Variants in LRRC47 observed in about 807,000 individuals in gnomAD.
LRRC47 encodes the protein leucine rich repeat containing 47.
In LRRC47, 31 loss-of-function variants were observed where a neutral mutation model predicts 40.9. The ratio of observed to expected loss-of-function variants is 0.76; its 90% confidence interval spans 0.57 to 1.02. The LOEUF is 1.02. Ranked by LOEUF, LRRC47 falls within the 50% of genes least tolerant of loss-of-function variation. LRRC47 has a pLI of 0.00. For synonymous variants in LRRC47, 427 were observed against 371.9 expected, an observed-to-expected ratio of 1.15 and a Z score of -1.70; for missense variants, 726 against 796.1, an observed-to-expected ratio of 0.91 and a Z score of 1.06.
At chr1:3,789,494 G>A (rs542141298) in intron 1 of LRRC47, among the ~76,000 whole-genome samples, 20 of 152,398 alleles carry the variant, frequency 1.3e-4, no homozygotes, top group African/African-American at 4.6e-4. Flanking sequence ...CAGCAGAGGC[G>A]AAGGAGGCGG....
chr1:3,784,278 T>G (rs1249858264), intron 3 of LRRC47, 167 bp from the exon 4 acceptor site: 12 of 619,712 alleles, frequency 1.9e-5, no homozygotes, highest in Admixed American at 5.4e-5. Flanking sequence ...AAGCTGCATG[T>G]GGGCTGCCAC....
At chr1:3,783,247 C>G (rs1247061769) in intron 4 of LRRC47, 1 of 154,556 alleles carries the variant, frequency 6.5e-6, no homozygotes, top group African/African-American at 2.4e-5. Context: ...TGGCGAAACC[C>G]CGTCTCTACT....
chr1:3,784,360 G>A (rs1369868372), intron 3 of LRRC47, among the ~76,000 whole-genome samples: 3 of 152,252 alleles, frequency 2.0e-5, no homozygotes, highest in Non-Finnish European at 4.4e-5. Context: ...CTTAAAGCCA[G>A]CTCATGCACA....
intron 1 of LRRC47, among the ~76,000 whole-genome samples, chr1:3,793,326 C>G (rs1282797931): frequency 2.0e-5 from 3 of 152,168 alleles, no homozygotes; most frequent in Non-Finnish European, 4.4e-5. Context: ...CTCCCGACCT[C>G]AGGTGATCCG....
rs192113027 is a variant in LRRC47, at chr1:3,785,010, C to T, written c.1194+77G>A. On this transcript the variant is annotated intron_variant, in intron 3 of 6. Transcript: ENST00000378251. ...TCCATCTCCAAAAAAAAAAAAAGTT[C>T]GGGCTGCAGTAGCAGCATGGCGTCT... 48 of 1,131,522 alleles carry T rather than the reference C, an allele frequency of 4.2e-5. No homozygotes were observed. In the East Asian group the frequency reaches 4.3e-4, roughly 10 times the overall value. The allele number at this position is 1,131,522 out of a possible 1,614,324, so 70.1% of individuals were successfully genotyped here.
chr1:3,787,430 G>A (rs948197948), intron 1 of LRRC47, 120 bp from the exon 2 acceptor site: 2 of 974,386 alleles, frequency 2.1e-6, no homozygotes, highest in East Asian at 5.2e-5. Context: ...CCTGTCTGTG[G>A]GGACGCGTCC....
intron 1 of LRRC47, among the ~76,000 whole-genome samples, chr1:3,793,672 A>G (rs1643647306): frequency 6.6e-6 from 1 of 152,106 alleles, no homozygotes; most frequent in African/African-American, 2.4e-5. Context: ...CGGCCTTCTG[A>G]GCTGTGTCTT....
At position 3,782,531 on chromosome 1, in the gene LRRC47, T is replaced by G. The variant is rs1643530439; in HGVS notation, c.1413+130A>C. Reference sequence around the variant, plus strand: ...CTGGTCTTGAACTCCTGACCTCAGGTGATCCGCCCACCTCGGTCTCCCAAA... The same window carrying G: ...CTGGTCTTGAACTCCTGACCTCAGGGGATCCGCCCACCTCGGTCTCCCAAA... On this transcript the variant is annotated intron_variant, in intron 5 of 6. Transcript: ENST00000378251. 15 of 656,770 alleles carry G rather than the reference T, an allele frequency of 2.3e-5. No individual in the cohort carries two copies. In the South Asian group the frequency reaches 2.6e-4, roughly 11 times the overall value. 40.7% of individuals were successfully genotyped at this position (656,770 alleles called of 1,614,324 possible). A position where few individuals can be genotyped will look rare whatever the true frequency, so the allele number is the denominator to read the frequency against.
chr1:3,796,027 G>T lies in LRRC47; in HGVS notation c.450C>A (p.Arg150=). 6.5e-7 allele frequency: 1 copy of T among 1,548,092 alleles called. No homozygotes were observed. The highest frequency in any genetic ancestry group is 8.7e-7 in the Non-Finnish European group (1 of 1,148,738). The change falls in exon 1 of 7, where the codon CGC becomes CGA. Residue 150 remains arginine, a synonymous_variant. Transcript: ENST00000378251. The stretch of plus-strand genomic sequence containing the variant: ...TGAGGCTCTGCAGGCGCGGGGCGCA[G>T]CGCGCCAGGTCGGCTGGCAGCTCGC... ...RLRELPADLA[R]CAPRLQSLNL...
intron 1 of LRRC47, 43 bp downstream of exon 1, chr1:3,795,819 C>A: frequency 1.3e-6 from 2 of 1,510,158 alleles, no homozygotes; most frequent in Non-Finnish European, 1.8e-6. Context: ...TCCAGGGCTA[C>A]TCCAAGGCCC....
chr1:3,789,372 G>A (rs1643606489), intron 1 of LRRC47, among the ~76,000 whole-genome samples: 1 of 152,264 alleles, frequency 6.6e-6, no homozygotes, highest in Non-Finnish European at 1.5e-5. Flanking sequence ...AGGGGCTTTG[G>A]TCAAAAAGCT....
At position 3,796,259 on chromosome 1, in the gene LRRC47, C is replaced by A; in HGVS notation, c.218G>T (p.Gly73Val). ...LRAPGPGLAQ[G>V]LPQLHSLVLR... ...CACGAGGCTGTGCAGCTGCGGCAGG[C>A]CCTGCGCCAGGCCAGGCCCCGGCGC... The change falls in exon 1 of 7, where the codon GGC (glycine) becomes GTC (valine). Residue 73 changes from glycine to valine, a missense_variant. Coordinates refer to ENST00000378251, the MANE Select transcript of LRRC47 (RefSeq NM_020710.3). 1.4e-6 allele frequency: 2 copies of A among 1,466,538 alleles called. No homozygotes were observed. Among genetic ancestry groups the A allele is most frequent in the African/African-American group, 1.5e-5 (1 of 67,764 alleles). The allele number at this position is 1,466,538 out of a possible 1,614,324, so 90.8% of individuals were successfully genotyped here.
At position 3,786,838 on chromosome 1, in the gene LRRC47, C is replaced by T. The variant is rs373817180; in HGVS notation, c.1077+11G>A. ...TGTCCCAGTCATCTGAGGACCCCCA[C>T]GGGCACCCACCTGCGAGGTGAGGAA... is the stretch of plus-strand genomic sequence containing the variant. On this transcript the variant is annotated intron_variant, in intron 2 of 6. Transcript: ENST00000378251. The T allele has an allele frequency of 5.3e-5, 83 of 1,571,262 alleles. No homozygotes were observed. In the African/African-American group the frequency reaches 7.2e-4, roughly 14 times the overall value.
rs1236942304 is a variant in LRRC47 at position 3,796,336 on chromosome 1, G to A, written c.141C>T (p.Phe47=). ...CCAAGTAGTGCAGCAGCGGCAGGGT[G>A]AAAAGCCGCGGCGGCAGCTGCCCAC... is the stretch of plus-strand genomic sequence containing the variant. ...AAGGQLPPRL[F]TLPLLHYLEV... The change falls in exon 1 of 7, where the codon TTC becomes TTT. Residue 47 remains phenylalanine, a synonymous_variant. Transcript: ENST00000378251. The A allele has an allele frequency of 1.3e-6, 2 of 1,509,068 alleles. No homozygotes were observed. The highest frequency in any genetic ancestry group is 8.8e-7 in the Non-Finnish European group (1 of 1,136,544). 93.5% of individuals were successfully genotyped at this position (1,509,068 alleles called of 1,614,324 possible). A position where few individuals can be genotyped will look rare whatever the true frequency, so the allele number is the denominator to read the frequency against.
rs758105044 is a variant in LRRC47 at position 3,781,180 on chromosome 1, G to C, written c.1660C>G (p.Arg554Gly). The C allele has an allele frequency of 1.2e-6, 2 of 1,614,088 alleles. No individual in the cohort carries two copies. The highest frequency in any genetic ancestry group is 2.2e-5 in the South Asian group (2 of 91,078). Residue 554 changes from arginine to glycine, a missense_variant, in exon 7 of 7, where the codon CGG becomes GGG. By Grantham distance (125) the Arg-to-Gly change is moderately radical (BLOSUM62 -2). Transcript: ENST00000378251. The part of the protein sequence containing the change: ...GPSLLVVEQV[R>G]VVDLEGSLKV... ...AGGCTCCCTTCCAGATCCACCACCC[G>C]GACCTGCTCCACCACCAGAAGGGAG...
chr1:3,789,906 C>T (rs1398983281), intron 1 of LRRC47, among the ~76,000 whole-genome samples: 4 of 152,146 alleles, frequency 2.6e-5, no homozygotes, highest in Non-Finnish European at 5.9e-5. Flanking sequence ...ATGAGGGTGG[C>T]GTCAGTTTTC....
In LRRC47 at chr1:3,787,317, A is replaced by G. The variant is rs1336216683; in HGVS notation, c.616-7T>C. 6.2e-7 allele frequency: 1 copy of G among 1,605,936 alleles called. No individual in the cohort carries two copies. Reference sequence around the variant, plus strand: ...TGTTCGAGAGGTCCAACGTCTGCAAAGAGAAACATGGACGCGTCAGACGCC... The same window carrying G: ...TGTTCGAGAGGTCCAACGTCTGCAAGGAGAAACATGGACGCGTCAGACGCC... On this transcript the variant is annotated splice_region_variant and splice_polypyrimidine_tract_variant and intron_variant, in intron 1 of 6. Coordinates refer to ENST00000378251, the MANE Select transcript of LRRC47 (RefSeq NM_020710.3).
At position 3,782,772 on chromosome 1, in the gene LRRC47, G is replaced by A; in HGVS notation, c.1311-9C>T. 6.7e-7 allele frequency: 1 copy of A among 1,485,074 alleles called. No individual in the cohort carries two copies. The highest frequency in any genetic ancestry group is 1.1e-5 in the South Asian group (1 of 88,454). The allele number at this position is 1,485,074 out of a possible 1,614,324, so 92.0% of individuals were successfully genotyped here. ...CCAGCAAGTGAAGGTATCTGTATGG[G>A]AAGAAATACAAATTCCAGGCATAAT... On this transcript the variant is annotated splice_polypyrimidine_tract_variant and intron_variant, in intron 4 of 6. Transcript: ENST00000378251.
In LRRC47 at chr1:3,780,597, A is replaced by G. The variant is rs920617723; in HGVS notation, c.*491T>C. 1.3e-5 allele frequency: 2 copies of G among 154,942 alleles called. No individual in the cohort carries two copies. Among genetic ancestry groups the G allele is most frequent in the Non-Finnish European group, 2.9e-5 (2 of 69,960 alleles). 9.6% of individuals were successfully genotyped at this position (154,942 alleles called of 1,614,324 possible). The stretch of plus-strand genomic sequence containing the variant: ...TGTAACGACAACATAGCATCACTTT[A>G]CGACAGAATCATCTGGAAAAACAGA... On this transcript the variant is annotated 3_prime_UTR_variant, in exon 7 of 7. Coordinates refer to ENST00000378251, the MANE Select transcript of LRRC47 (RefSeq NM_020710.3).
Sources: allele counts gnomAD v4.1 joint callset (sites outside exome capture counted in the v4.1 genomes callset), GRCh38; gene constraint gnomAD v4.1.1; transcripts MANE v1.5; gene names NCBI Gene and HGNC (gene_info 2026-07-23, HGNC 2026-07-21).